KLHL14: variants seen among roughly 807,000 people sequenced by gnomAD.
KLHL14 encodes kelch-like protein 14.
A neutral mutation model predicts 64.3 loss-of-function variants in KLHL14; 22 were observed. That is an observed-to-expected ratio of 0.34 (90% CI 0.24 to 0.49). The LOEUF (loss-of-function observed/expected upper bound fraction) is 0.49, where lower values mean the gene tolerates loss of function less well. Ranked by LOEUF, KLHL14 falls within the 20% of genes least tolerant of loss-of-function variation. The pLI is 0.99. For synonymous variants in KLHL14, 322 were observed against 333.4 expected, an observed-to-expected ratio of 0.97 and a Z score of 0.37; for missense variants, 661 against 789.0, an observed-to-expected ratio of 0.84 and a Z score of 1.94.
At chr18:32,694,558 G>T (rs754679906) in intron 4 of KLHL14, among the ~76,000 whole-genome samples, 1 of 152,152 alleles carries the variant, frequency 6.6e-6, no homozygotes, top group African/African-American at 2.4e-5. Flanking sequence ...GTTCTTGAAG[G>T]GTGGCCTGGA....
chr18:32,764,172 G>C (rs192738875), intron 2 of KLHL14, among the ~76,000 whole-genome samples: 1 of 151,702 alleles, frequency 6.6e-6, no homozygotes, highest in East Asian at 1.9e-4. Context: ...AAATATACTC[G>C]CCTATTTTGA....
At chr18:32,706,114 C>A (rs75224139) in intron 3 of KLHL14, among the ~76,000 whole-genome samples, 45 of 152,302 alleles carry the variant, frequency 3.0e-4, no homozygotes, top group Middle Eastern at 3.4e-3. Context: ...TATTTCACTG[C>A]AAAGATTCAG....
At chr18:32,729,662 A>G (rs566353331) in intron 3 of KLHL14, among the ~76,000 whole-genome samples, 1 of 152,150 alleles carries the variant, frequency 6.6e-6, no homozygotes, top group South Asian at 2.1e-4. Flanking sequence ...CTATTTCTAA[A>G]TAAGGCCACA....
rs953345041 is a variant in KLHL14 at position 32,687,380 on chromosome 18, G to A, written c.1160-147C>T. On this transcript the variant is annotated intron_variant, in intron 4 of 8. Transcript: ENST00000359358. ...ATACCTAACACAGCACGGGCGATGA[G>A]TCAATAGAAAAATAAATGTGCCACC... The A allele has an allele frequency of 2.8e-5, 17 of 616,184 alleles. No homozygotes were observed. The South Asian group carries it at 3.6e-4, about 13-fold the overall frequency. The allele number at this position is 616,184 out of a possible 1,614,324, so 38.2% of individuals were successfully genotyped here. A position where few individuals can be genotyped will look rare whatever the true frequency, so the allele number is the denominator to read the frequency against.
chr18:32,754,874 C>T (rs765733844), intron 2 of KLHL14, among the ~76,000 whole-genome samples: 2 of 152,140 alleles, frequency 1.3e-5, no homozygotes, highest in Non-Finnish European at 2.9e-5. Context: ...AAGGACTCAA[C>T]GTTTATTTTT....
intron 3 of KLHL14, among the ~76,000 whole-genome samples, chr18:32,731,194 C>G (rs1468707047): frequency 6.6e-6 from 1 of 152,192 alleles, no homozygotes; most frequent in African/African-American, 2.4e-5. Flanking sequence ...AATGATGTCA[C>G]CATAGAGTCA....
chr18:32,746,208 G>A (rs940157594), intron 2 of KLHL14, among the ~76,000 whole-genome samples: 1 of 152,164 alleles, frequency 6.6e-6, no homozygotes, highest in Non-Finnish European at 1.5e-5. Context: ...TAAAAGAAAT[G>A]TAAACAAAAA....
intron 3 of KLHL14, chr18:32,733,839 A>G (rs1263153630): frequency 1.5e-5 from 4 of 263,232 alleles, no homozygotes; most frequent in Admixed American, 4.6e-5. Context: ...CATAATGTCT[A>G]TTTGGTAGAA....
At chr18:32,684,319 G>A (rs188293067) in intron 5 of KLHL14, among the ~76,000 whole-genome samples, 1 of 152,326 alleles carries the variant, frequency 6.6e-6, no homozygotes, top group East Asian at 1.9e-4. Flanking sequence ...TGAAGGCCAT[G>A]TGCCCATTTC....
chr18:32,680,579 C>T lies in KLHL14; in HGVS notation c.1259G>A (p.Cys420Tyr). 1 of 1,611,806 alleles carries T rather than the reference C, an allele frequency of 6.2e-7. No individual in the cohort carries two copies. The highest frequency in any genetic ancestry group is 8.5e-7 in the Non-Finnish European group (1 of 1,179,012). The change falls in exon 6 of 9, where the codon TGT becomes TAT. Residue 420 changes from cysteine (C) to tyrosine (Y), a missense_variant. Cys to Tyr is a radical substitution (Grantham distance 194). Transcript: ENST00000359358. This position sits in a 1 kb window ranked among gnomAD's most constrained non-coding sequence, Gnocchi z 4.8. ...MQERRASFYA[C>Y]RLDKHLYVIG... is the part of the protein sequence containing the mutation. ...TACGTATAAATGCTTGTCCAACCGA[C>T]ATGCATAGAAACTGGCTCTTCTACA...
At chr18:32,757,199 C>T (rs73411268) in intron 2 of KLHL14, among the ~76,000 whole-genome samples, 1 of 152,332 alleles carries the variant, frequency 6.6e-6, no homozygotes, top group African/African-American at 2.4e-5. Flanking sequence ...TCCATATCCA[C>T]ACACTAGAAG....
intron 5 of KLHL14, among the ~76,000 whole-genome samples, chr18:32,685,561 G>C (rs562175569): frequency 3.3e-5 from 5 of 152,332 alleles, no homozygotes; most frequent in African/African-American, 1.2e-4. Context: ...CCAAAAGAGA[G>C]AAACAGGGTG....
chr18:32,771,088 G>C, intron 1 of KLHL14: 1 of 231,554 alleles, frequency 4.3e-6, no homozygotes, highest in South Asian at 3.6e-5. Context: ...GCTCAGAGGC[G>C]ACCGACGGCG....
At chr18:32,696,570 T>C (rs1424740863) in intron 3 of KLHL14, among the ~76,000 whole-genome samples, 1 of 152,188 alleles carries the variant, frequency 6.6e-6, no homozygotes, top group East Asian at 1.9e-4. Flanking sequence ...GTGATGTGCA[T>C]GTTCAGGCAG....
intron 3 of KLHL14, among the ~76,000 whole-genome samples, chr18:32,709,372 A>G (rs1170385716): frequency 6.6e-6 from 1 of 152,112 alleles, no homozygotes; most frequent in African/African-American, 2.4e-5. Flanking sequence ...TGACAGTGCC[A>G]TTTAGAAAGC....
chr18:32,729,924 C>G (rs995304158), intron 3 of KLHL14, among the ~76,000 whole-genome samples: 2 of 152,244 alleles, frequency 1.3e-5, no homozygotes, highest in South Asian at 2.1e-4. Flanking sequence ...GTAATACAGA[C>G]AAGCAACTCC....
intron 1 of KLHL14, among the ~76,000 whole-genome samples, chr18:32,771,547 C>T (rs1259569940): frequency 6.6e-6 from 1 of 152,096 alleles, no homozygotes; most frequent in Admixed American, 6.5e-5. Flanking sequence ...CCCCGTCTCG[C>T]TCATTTCAAA....
intron 3 of KLHL14, among the ~76,000 whole-genome samples, chr18:32,702,494 C>T (rs904835590): frequency 6.6e-6 from 1 of 151,706 alleles, no homozygotes; most frequent in African/African-American, 2.4e-5. Context: ...GAGATAGAAA[C>T]AGACACACAG....
rs1489838911 is a variant in KLHL14, at chr18:32,734,323, T to C, written c.1069+7605A>G. 5.8e-6 allele frequency: 4 copies of C among 686,750 alleles called. No homozygotes were observed. In the African/African-American group the frequency reaches 7.0e-5, roughly 12 times the overall value. The allele number at this position is 686,750 out of a possible 1,614,324, so 42.5% of individuals were successfully genotyped here. The stretch of plus-strand genomic sequence containing the variant: ...CTCTTTCTTCTCCCTGCTGCATCCA[T>C]GATGGAGATGCATGTCAAGATGGAG... On this transcript the variant is annotated intron_variant, in intron 3 of 8. Transcript: ENST00000359358.
Sources: allele counts gnomAD v4.1 joint callset (sites outside exome capture counted in the v4.1 genomes callset), GRCh38; gene constraint gnomAD v4.1.1; non-coding constraint Gnocchi (gnomAD v3.1); transcripts MANE v1.5; gene names NCBI Gene and HGNC (gene_info 2026-07-23, HGNC 2026-07-21).